Variants in CELSR1 observed in about 807,000 individuals in gnomAD.
The protein encoded by CELSR1 is cadherin EGF LAG seven-pass G-type receptor 1.
Under a neutral mutation model 249.1 loss-of-function variants are expected in CELSR1, and 110 were observed. That is an observed-to-expected ratio of 0.44 (90% CI 0.38 to 0.52). CELSR1 has a LOEUF of 0.52. Ranked by LOEUF, CELSR1 falls within the 20% of genes least tolerant of loss-of-function variation. The probability of loss-of-function intolerance (pLI) is 0.00; values close to 1 mark genes in which losing one functional copy is unlikely to be tolerated. For synonymous variants in CELSR1, 2,113 were observed against 1,900.0 expected (o/e 1.11, Z -2.92); for missense variants, 4,109 against 4,296.4 (o/e 0.96, Z 1.22).
intron 1 of CELSR1, among the ~76,000 whole-genome samples, chr22:46,533,393 C>G (rs926383479): frequency 6.6e-6 from 1 of 152,376 alleles, no homozygotes; most frequent in East Asian, 1.9e-4. Flanking sequence ...TTGGGAGAAC[C>G]GCAGGCCTGC....
rs144107348 is a variant in CELSR1 at position 46,463,841 on chromosome 22, C to T, written c.4049G>A (p.Arg1350His). Residue 1350 changes from arginine to histidine, a missense_variant, in exon 2 of 35, where the codon CGC becomes CAC. Coordinates refer to ENST00000674500, the MANE Select transcript of CELSR1 (RefSeq NM_001378328.1). ...PIHPINGLRCRCPPGFTGDYC... is the reference protein window; with the variant it reads ...PIHPINGLRCHCPPGFTGDYC... ...GTCGCCGGTGAAGCCGGGCGGGCAGCGGCAGCGCAGGCCGTTGATGGGGTG... is the reference window on the plus strand; with the variant it reads ...GTCGCCGGTGAAGCCGGGCGGGCAGTGGCAGCGCAGGCCGTTGATGGGGTG... 9.3e-6 allele frequency: 15 copies of T among 1,611,330 alleles called. No individual in the cohort carries two copies. Among genetic ancestry groups the T allele is most frequent in the African/African-American group, 6.7e-5 (5 of 74,916 alleles).
chr22:46,484,374 G>T lies in CELSR1; in HGVS notation c.3545-20029C>A, dbSNP rs764809340. 6.6e-6 allele frequency among the ~76,000 whole-genome samples: 1 copy of T among 152,128 alleles called. No homozygotes were observed. Among genetic ancestry groups the T allele is most frequent in the Non-Finnish European group, 1.5e-5 (1 of 68,022 alleles). Reference sequence around the variant, plus strand: ...CTCGGGCCCAGCCCTCCTCAGAAATGCAGGCTGCAGCATCTGCCAGGAACT... The same window carrying T: ...CTCGGGCCCAGCCCTCCTCAGAAATTCAGGCTGCAGCATCTGCCAGGAACT... On this transcript the variant is annotated intron_variant, in intron 1 of 34. Coordinates refer to ENST00000674500, the MANE Select transcript of CELSR1 (RefSeq NM_001378328.1). The surrounding 1 kb of genome is among the most constrained non-coding windows in gnomAD (Gnocchi z 4.5).
At chr22:46,485,794 G>A in intron 1 of CELSR1, among the ~76,000 whole-genome samples, 1 of 152,142 alleles carries the variant, frequency 6.6e-6, no homozygotes, top group Non-Finnish European at 1.5e-5. Flanking sequence ...CCCCGCAGAG[G>A]GAGAAACAGA....
Position 46,436,190 on chromosome 22 carries a change from C to A in CELSR1, c.4506G>T (p.Gln1502His). ...IALEIVDEQV[Q>H]LTFSAGETTT... ...AGGCCCCACCTGCAGAGAAGGTGAG[C>A]TGCACCTGCTCGTCCACGATCTCCA... The change falls in exon 4 of 35, where the codon CAG (glutamine) becomes CAT (histidine). Residue 1502 changes from glutamine (Q) to histidine (H), a missense_variant. Physicochemically the swap from Gln to His is conservative, Grantham distance 24. Transcript: ENST00000674500. This position sits in a 1 kb window ranked among gnomAD's most constrained non-coding sequence, Gnocchi z 5.9. The A allele has an allele frequency of 6.2e-7, 1 of 1,608,576 alleles. No homozygotes were observed. The highest frequency in any genetic ancestry group is 8.5e-7 in the Non-Finnish European group (1 of 1,175,158).
intron 1 of CELSR1, among the ~76,000 whole-genome samples, chr22:46,503,478 G>C (rs113638169): frequency 6.6e-6 from 1 of 152,178 alleles, no homozygotes; most frequent in Non-Finnish European, 1.5e-5. Context: ...GTGACCACGG[G>C]AGGCTACTGA....
intron 20 of CELSR1, among the ~76,000 whole-genome samples, chr22:46,383,045 C>G (rs926775492): frequency 6.6e-6 from 1 of 152,164 alleles, no homozygotes; most frequent in African/African-American, 2.4e-5. Context: ...GAAAATCGGC[C>G]TGGTCGGAGG....
Position 46,439,387 on chromosome 22 carries a change from C to T in CELSR1, c.4208G>A (p.Arg1403His), listed in dbSNP as rs773813117. The change falls in exon 3 of 35, where the codon CGC becomes CAC. Residue 1403 changes from arginine (R) to histidine (H), a missense_variant. Arg to His is a conservative substitution (Grantham distance 29). Coordinates refer to ENST00000674500, the MANE Select transcript of CELSR1 (RefSeq NM_001378328.1). ...FTGEHCEVDARSGRCANGVCK... is the reference protein window; with the variant it reads ...FTGEHCEVDAHSGRCANGVCK... Reference sequence around the variant, plus strand: ...CACCCCGTTGGCACAGCGGCCTGAGCGGGCATCCACCTCACAGTGCTCTCC... The same window carrying T: ...CACCCCGTTGGCACAGCGGCCTGAGTGGGCATCCACCTCACAGTGCTCTCC... 18 of 1,613,310 alleles carry T rather than the reference C, an allele frequency of 1.1e-5. No individual in the cohort carries two copies. The highest frequency in any genetic ancestry group is 1.3e-5 in the African/African-American group (1 of 75,012).
chr22:46,391,302 A>T lies in CELSR1; in HGVS notation c.6149-15T>A, dbSNP rs1490629871. On this transcript the variant is annotated splice_polypyrimidine_tract_variant and intron_variant, in intron 15 of 34. Transcript: ENST00000674500. This position sits in a 1 kb window ranked among gnomAD's most constrained non-coding sequence, Gnocchi z 4.3. ...ATTGTAGATCACTGGGGTAGAGAAG[A>T]GAGAAGTCTGCTCAGCGGGGCACGC... 1.2e-6 allele frequency: 2 copies of T among 1,610,996 alleles called. No homozygotes were observed. Among genetic ancestry groups the T allele is most frequent in the African/African-American group, 2.7e-5 (2 of 74,960 alleles).
In CELSR1 at chr22:46,445,375, T is replaced by C. The variant is rs1281289993; in HGVS notation, c.4184-5964A>G. On this transcript the variant is annotated intron_variant, in intron 2 of 34. Transcript: ENST00000674500. The surrounding 1 kb of genome is among the most constrained non-coding windows in gnomAD (Gnocchi z 4.4). ...CGGGTATGGTGGCGCATGCCTGTAG[T>C]CCCAGCTACTAGGCAGGCTGAGGCA... Among the ~76,000 whole-genome samples the C allele has an allele frequency of 6.6e-6, 1 of 152,052 alleles. No individual in the cohort carries two copies. Among genetic ancestry groups the C allele is most frequent in the Non-Finnish European group, 1.5e-5 (1 of 68,012 alleles).
chr22:46,497,135 C>T (rs1846870351), intron 1 of CELSR1, among the ~76,000 whole-genome samples: 2 of 152,328 alleles, frequency 1.3e-5, no homozygotes, highest in East Asian at 1.9e-4. Context: ...GCTCCATTAT[C>T]ATCATATGAC....
rs1486451053 is a variant in CELSR1 at position 46,409,712 on chromosome 22, C to T, written c.5059+43G>A. ...GGGCACATCAAGGAGCAATGCCTCC[C>T]AGGCCGCCGTGACCGGGGGGATGGA... On this transcript the variant is annotated intron_variant, in intron 8 of 34. Coordinates refer to ENST00000674500, the MANE Select transcript of CELSR1 (RefSeq NM_001378328.1). The surrounding 1 kb of genome is among the most constrained non-coding windows in gnomAD (Gnocchi z 9.8). The T allele has an allele frequency of 6.2e-7, 1 of 1,607,136 alleles. No individual in the cohort carries two copies. Among genetic ancestry groups the T allele is most frequent in the Non-Finnish European group, 8.5e-7 (1 of 1,179,554 alleles).
At chr22:46,455,388 CCTGG>C (rs2079936430) in intron 2 of CELSR1, among the ~76,000 whole-genome samples, 1 of 152,190 alleles carries the variant, frequency 6.6e-6, no homozygotes, top group Non-Finnish European at 1.5e-5. Context: ...TGCCACCGCG[CCTGG>C]CTAATTTTTG....
chr22:46,383,270 A>G (rs1243905348), intron 20 of CELSR1, among the ~76,000 whole-genome samples: 1 of 152,246 alleles, frequency 6.6e-6, no homozygotes, highest in African/African-American at 2.4e-5. Context: ...TCCATTTACT[A>G]ACAACATTTC....
At position 46,440,401 on chromosome 22, in the gene CELSR1, G is replaced by A. The variant is rs961763236; in HGVS notation, c.4184-990C>T. Among the ~76,000 whole-genome samples, 8 of 152,260 alleles carry A rather than the reference G, an allele frequency of 5.3e-5. No homozygotes were observed. Among genetic ancestry groups the A allele is most frequent in the African/African-American group, 1.4e-4 (6 of 41,558 alleles). The stretch of plus-strand genomic sequence containing the variant: ...TTTTTAGTAGAGACGGGGATTCACC[G>A]TGTTAGCCAGGATGGTCTCCATCTC... On this transcript the variant is annotated intron_variant, in intron 2 of 34. Transcript: ENST00000674500. This position sits in a 1 kb window ranked among gnomAD's most constrained non-coding sequence, Gnocchi z 4.7.
chr22:46,424,509 T>C (rs1239569114), intron 5 of CELSR1, among the ~76,000 whole-genome samples: 1 of 152,064 alleles, frequency 6.6e-6, no homozygotes, highest in Non-Finnish European at 1.5e-5. Flanking sequence ...TGCAAAAAGA[T>C]AGTATAATAT....
chr22:46,430,102 G>C lies in CELSR1; in HGVS notation c.4611+3291C>G, dbSNP rs2079577152. Among the ~76,000 whole-genome samples, 1 of 152,186 alleles carries C rather than the reference G, an allele frequency of 6.6e-6. No homozygotes were observed. Among genetic ancestry groups the C allele is most frequent in the Non-Finnish European group, 1.5e-5 (1 of 68,032 alleles). ...GGCAGTGCAGGAGGCCACTCTGACAGGCAACACCCGGGAGATCATGCTCAG... is the reference window on the plus strand; with the variant it reads ...GGCAGTGCAGGAGGCCACTCTGACACGCAACACCCGGGAGATCATGCTCAG... On this transcript the variant is annotated intron_variant, in intron 5 of 34. Coordinates refer to ENST00000674500, the MANE Select transcript of CELSR1 (RefSeq NM_001378328.1). The surrounding 1 kb of genome is among the most constrained non-coding windows in gnomAD (Gnocchi z 4.6).
At position 46,433,448 on chromosome 22, in the gene CELSR1, G is replaced by A. The variant is rs1381979818; in HGVS notation, c.4556C>T (p.Pro1519Leu). 1 of 1,614,048 alleles carries A rather than the reference G, an allele frequency of 6.2e-7. No individual in the cohort carries two copies. The highest frequency in any genetic ancestry group is 1.7e-5 in the Admixed American group (1 of 60,018). Residue 1519 changes from proline (P) to leucine (L), a missense_variant, in exon 5 of 35, where the codon CCC becomes CTC. Pro to Leu is a moderately conservative substitution (Grantham distance 98). Around this residue, in one of 7 missense-constraint regions of CELSR1, gnomAD observed 453 missense variants for 492.0 expected, o/e 0.92. Transcript: ENST00000674500. The surrounding 1 kb of genome is among the most constrained non-coding windows in gnomAD (Gnocchi z 5.7). ...ETTTTVAPKV[P>L]SGVSDGRWHS... ...CCACCGCCCGTCACTCACACCACTGGGAACCTTCGGTGCCACGGTCGTTGT... is the reference window on the plus strand; with the variant it reads ...CCACCGCCCGTCACTCACACCACTGAGAACCTTCGGTGCCACGGTCGTTGT...
chr22:46,394,085 G>T, intron 14 of CELSR1, 57 bp downstream of exon 14: 1 of 1,582,190 alleles, frequency 6.3e-7, no homozygotes. Flanking sequence ...TTTAGGGGCA[G>T]CTGTGCATGT....
In CELSR1 at chr22:46,490,100, A is replaced by G. The variant is rs568127581; in HGVS notation, c.3545-25755T>C. Among the ~76,000 whole-genome samples, 7 of 152,242 alleles carry G rather than the reference A, an allele frequency of 4.6e-5. No homozygotes were observed. Among genetic ancestry groups the G allele is most frequent in the African/African-American group, 1.4e-4 (6 of 41,550 alleles). On this transcript the variant is annotated intron_variant, in intron 1 of 34. Coordinates refer to ENST00000674500, the MANE Select transcript of CELSR1 (RefSeq NM_001378328.1). This position sits in a 1 kb window ranked among gnomAD's most constrained non-coding sequence, Gnocchi z 5.2. ...CCAGTGAGCCGCTTTCTGAGAACCA[A>G]CGTTCCCAAGTGCAAAGTGTACACA...
Sources: allele counts gnomAD v4.1 joint callset (sites outside exome capture counted in the v4.1 genomes callset), GRCh38; gene constraint gnomAD v4.1.1; regional missense constraint gnomAD v4.1.1; non-coding constraint Gnocchi (gnomAD v3.1); transcripts MANE v1.5; gene names NCBI Gene and HGNC (gene_info 2026-07-23, HGNC 2026-07-21).